RPTOR: variants seen among roughly 807,000 people sequenced by gnomAD.
RPTOR encodes the protein regulatory-associated protein of mTOR.
A neutral mutation model predicts 169.9 loss-of-function variants in RPTOR; 21 were observed. The ratio of observed to expected loss-of-function variants is 0.12; its 90% CI spans 0.09 to 0.18. RPTOR has a LOEUF of 0.18. RPTOR is among the 10% of genes least tolerant of loss of function. The pLI, the probability that RPTOR is intolerant of heterozygous loss-of-function variation, is 1.00. For synonymous variants in RPTOR, 732 were observed against 753.2 expected, an observed-to-expected ratio of 0.97 and a Z score of 0.46; for missense variants, 1,133 against 1,855.9, an observed-to-expected ratio of 0.61 and a Z score of 7.16.
intron 4 of RPTOR, among the ~76,000 whole-genome samples, chr17:80,724,314 G>A (rs2066312127): frequency 6.6e-6 from 1 of 151,188 alleles, no homozygotes; most frequent in African/African-American, 2.5e-5. Flanking sequence ...GGAAGGGTCA[G>A]GAGAGAGGAG....
At chr17:80,605,248 A>G (rs2065220272) in intron 1 of RPTOR, among the ~76,000 whole-genome samples, 1 of 152,194 alleles carries the variant, frequency 6.6e-6, no homozygotes, top group Non-Finnish European at 1.5e-5. Context: ...CGTTGAACTC[A>G]GTGTTGAGGA....
chr17:80,928,597 G>A (rs965372953), intron 24 of RPTOR, among the ~76,000 whole-genome samples: 15 of 152,196 alleles, frequency 9.9e-5, no homozygotes, highest in African/African-American at 2.9e-4. Context: ...TTAGTTCACC[G>A]TCAGATTTCG....
intron 6 of RPTOR, among the ~76,000 whole-genome samples, chr17:80,764,144 T>C (rs2066762911): frequency 7.8e-6 from 1 of 128,542 alleles, no homozygotes; most frequent in Non-Finnish European, 1.6e-5. Context: ...TATTTTATTT[T>C]ATTTTATTTT....
At chr17:80,907,597 C>T (rs1192339255) in intron 20 of RPTOR, among the ~76,000 whole-genome samples, 2 of 152,268 alleles carry the variant, frequency 1.3e-5, no homozygotes, top group African/African-American at 4.8e-5. Flanking sequence ...CTGGCCTCAG[C>T]CAATGCTGAC....
At chr17:80,807,584 T>C (rs1411897466) in intron 7 of RPTOR, among the ~76,000 whole-genome samples, 1 of 152,184 alleles carries the variant, frequency 6.6e-6, no homozygotes, top group Non-Finnish European at 1.5e-5. Context: ...ACTCCTGACC[T>C]CAGGTGATCC....
chr17:80,897,924 T>A (rs1428902393), intron 20 of RPTOR, among the ~76,000 whole-genome samples: 1 of 150,964 alleles, frequency 6.6e-6, no homozygotes, highest in African/African-American at 2.4e-5. Flanking sequence ...AAAACAAAAC[T>A]GGCTCAGGAG....
At chr17:80,842,412 G>T (rs959519388) in intron 10 of RPTOR, among the ~76,000 whole-genome samples, 1 of 151,888 alleles carries the variant, frequency 6.6e-6, no homozygotes, top group East Asian at 1.9e-4. Flanking sequence ...CTGGCCTCCC[G>T]TTCAGGGGCT....
At chr17:80,887,294 CG>C (rs1208666960) in intron 17 of RPTOR, among the ~76,000 whole-genome samples, 2 of 111,246 alleles carry the variant, frequency 1.8e-5, no homozygotes, top group African/African-American at 3.6e-5. Flanking sequence ...GGTGCCACCT[CG>C]GGGGGTGCGC....
intron 4 of RPTOR, among the ~76,000 whole-genome samples, chr17:80,713,260 T>C (rs2066211244): frequency 6.6e-6 from 1 of 152,154 alleles, no homozygotes; most frequent in South Asian, 2.1e-4. Flanking sequence ...TAGTACAGGC[T>C]GATCTCAACT....
intron 27 of RPTOR, among the ~76,000 whole-genome samples, chr17:80,948,170 AGCCTGTCCCTGTCGGCC>A (rs2069125588): frequency 6.6e-6 from 1 of 152,204 alleles, no homozygotes; most frequent in African/African-American, 2.4e-5. Flanking sequence ...GATCCCACCC[AGCCTGTCCCTGTCGGCC>A]GCAGCCCCTG....
At chr17:80,699,465 G>A (rs1329229754) in intron 3 of RPTOR, among the ~76,000 whole-genome samples, 4 of 147,752 alleles carry the variant, frequency 2.7e-5, no homozygotes, top group African/African-American at 1.0e-4. Context: ...GCTATGCACG[G>A]TACCCTGGTG....
At chr17:80,945,088 A>G (rs1458963805) in intron 25 of RPTOR, among the ~76,000 whole-genome samples, 2 of 151,530 alleles carry the variant, frequency 1.3e-5, no homozygotes, top group Admixed American at 6.6e-5. Flanking sequence ...GAGCCCAGGA[A>G]TTTGAGACTA....
chr17:80,574,132 T>C (rs1251520466), intron 1 of RPTOR, among the ~76,000 whole-genome samples: 1 of 152,088 alleles, frequency 6.6e-6, no homozygotes, highest in Non-Finnish European at 1.5e-5. Flanking sequence ...ATTTAAGCTT[T>C]TAAGATGGTT....
chr17:80,895,515 C>T (rs186978346), intron 20 of RPTOR, among the ~76,000 whole-genome samples: 121 of 152,376 alleles, frequency 7.9e-4, no homozygotes, highest in African/African-American at 2.4e-3. Flanking sequence ...ACCACTGTCT[C>T]CTCCCACCCT....
intron 10 of RPTOR, among the ~76,000 whole-genome samples, chr17:80,840,436 ACACGG>A (rs2067618381): frequency 8.9e-6 from 1 of 112,576 alleles, no homozygotes. Flanking sequence ...CACTCTCACC[ACACGG>A]CAGCTCACTC....
chr17:80,648,166 T>C (rs1258178380), intron 3 of RPTOR, among the ~76,000 whole-genome samples: 13 of 152,136 alleles, frequency 8.5e-5, no homozygotes. Flanking sequence ...TTTCGTGGTA[T>C]TGATAATAGA....
intron 13 of RPTOR, among the ~76,000 whole-genome samples, chr17:80,867,862 A>G (rs1219454630): frequency 6.6e-6 from 1 of 152,258 alleles, no homozygotes; most frequent in African/African-American, 2.4e-5. Context: ...AAAGAAATGA[A>G]GGAAGACCTA....
intron 11 of RPTOR, among the ~76,000 whole-genome samples, chr17:80,851,879 G>A (rs748628024): frequency 1.3e-5 from 2 of 152,302 alleles, no homozygotes; most frequent in East Asian, 1.9e-4. Context: ...ATTTACCTTA[G>A]AAACAGCCTT....
intron 9 of RPTOR, among the ~76,000 whole-genome samples, chr17:80,834,388 G>A (rs1393555695): frequency 2.6e-5 from 4 of 152,282 alleles, no homozygotes; most frequent in Admixed American, 6.5e-5. Flanking sequence ...GTAGCCGGAC[G>A]GCCCCGAGCA....
Sources: allele counts gnomAD v4.1 joint callset (sites outside exome capture counted in the v4.1 genomes callset), GRCh38; gene constraint gnomAD v4.1.1; transcripts MANE v1.5; gene names NCBI Gene and HGNC (gene_info 2026-07-23, HGNC 2026-07-21).